The following CNTRL variants were observed in gnomAD, a reference collection of about 807,000 sequenced individuals.
CNTRL encodes the protein 110 kDa centrosomal protein.
In CNTRL, 233 loss-of-function variants were observed where a neutral mutation model predicts 303.7. That is an observed-to-expected ratio of 0.77 (90% CI 0.69 to 0.86). The LOEUF is 0.86. Among genes scored for constraint, CNTRL ranks in the 40% least tolerant of loss-of-function variants. CNTRL has a pLI of 0.00. For synonymous variants in CNTRL, 900 were observed against 922.2 expected, an observed-to-expected ratio of 0.98 and a Z score of 0.44; for missense variants, 2,524 against 2,650.6, an observed-to-expected ratio of 0.95 and a Z score of 1.05.
chr9:121,104,055 A>G (rs1297564365), intron 7 of CNTRL, among the ~76,000 whole-genome samples: 3 of 152,216 alleles, frequency 2.0e-5, no homozygotes, highest in Admixed American at 6.5e-5. Context: ...AAATCATGCC[A>G]CTATAAAGAC....
At chr9:121,150,968 A>G (rs770350940) in intron 25 of CNTRL, among the ~76,000 whole-genome samples, 2 of 152,214 alleles carry the variant, frequency 1.3e-5, no homozygotes, top group Non-Finnish European at 2.9e-5. Context: ...TATATGTATA[A>G]TATGAGTGTA....
Position 121,150,400 on chromosome 9 carries a change from T to A in CNTRL, c.3880T>A (p.Tyr1294Asn). 6.2e-7 allele frequency: 1 copy of A among 1,614,158 alleles called. No homozygotes were observed. Among genetic ancestry groups the A allele is most frequent in the Non-Finnish European group, 8.5e-7 (1 of 1,180,028 alleles). The stretch of plus-strand genomic sequence containing the variant: ...ACCTCCTGCTGGGGCCCCCATGGTG[T>A]ATGGGCCTCCACCCCCCAACTTCTC... The part of the protein sequence containing the change: ...GPPPAGAPMV[Y>N]GPPPPNFSIP... Residue 1294 changes from tyrosine (Y) to asparagine (N), a missense_variant, in exon 25 of 44, where the codon TAT (tyrosine) becomes AAT (asparagine). By Grantham distance (143) the Tyr-to-Asn change is moderately radical (BLOSUM62 -2). Transcript: ENST00000373855.
rs979045287 is a variant in CNTRL at position 121,098,502 on chromosome 9, A to G, written c.738A>G (p.Ser246=). 1 of 1,613,886 alleles carries G rather than the reference A, an allele frequency of 6.2e-7. No individual in the cohort carries two copies. Among genetic ancestry groups the G allele is most frequent in the Non-Finnish European group, 8.5e-7 (1 of 1,179,850 alleles). Residue 246 remains serine, a synonymous_variant, in exon 7 of 44, where the codon TCA becomes TCG. Coordinates refer to ENST00000373855, the MANE Select transcript of CNTRL (RefSeq NM_007018.6). ...YLQFTIFHLR[S]LESLEGQPVT... ...AGTTTACCATTTTCCACCTCCGTTC[A>G]TTGGAAAGTTTGGAAGGTCAGCCAG...
At chr9:121,169,348 C>T (rs1405742473) in intron 38 of CNTRL, among the ~76,000 whole-genome samples, 3 of 152,182 alleles carry the variant, frequency 2.0e-5, no homozygotes, top group Admixed American at 6.5e-5. Flanking sequence ...TCACTGGTCT[C>T]AAAGACTTGA....
At chr9:121,099,602 A>G (rs2049047750) in intron 7 of CNTRL, among the ~76,000 whole-genome samples, 1 of 152,212 alleles carries the variant, frequency 6.6e-6, no homozygotes, top group African/African-American at 2.4e-5. Context: ...GGTAATAACA[A>G]ACTTCTCCGA....
At chr9:121,141,704 C>A in intron 18 of CNTRL, 116 bp downstream of exon 18, 1 of 1,013,926 alleles carries the variant, frequency 9.9e-7, no homozygotes, top group Non-Finnish European at 1.5e-6. Context: ...GTTATTTTCA[C>A]TTATAACAAG....
intron 3 of CNTRL, 98 bp from the exon 4 acceptor site, chr9:121,090,177 C>A (rs545629440): frequency 1.1e-5 from 11 of 1,027,886 alleles, no homozygotes; most frequent in Middle Eastern, 2.6e-4. Context: ...ATATTCATGG[C>A]TTAATTTTTG....
At position 121,157,664 on chromosome 9, in the gene CNTRL, G is replaced by A; in HGVS notation, c.4496+64G>A. On this transcript the variant is annotated intron_variant, in intron 28 of 43. Coordinates refer to ENST00000373855, the MANE Select transcript of CNTRL (RefSeq NM_007018.6). Reference sequence around the variant, plus strand: ...ATGAATGAAAAGTTTGCTTCTAAGGGGATAATAATTGGTTTATGATAAATA... The same window carrying A: ...ATGAATGAAAAGTTTGCTTCTAAGGAGATAATAATTGGTTTATGATAAATA... The A allele has an allele frequency of 2.5e-6, 4 of 1,604,802 alleles. No homozygotes were observed. The South Asian group carries it at 4.4e-5, about 18-fold the overall frequency.
chr9:121,102,043 C>G (rs2049200848), intron 7 of CNTRL, among the ~76,000 whole-genome samples: 1 of 152,214 alleles, frequency 6.6e-6, no homozygotes, highest in East Asian at 1.9e-4. Flanking sequence ...CACCCTAACT[C>G]ATTTTATGAG....
At position 121,173,499 on chromosome 9, in the gene CNTRL, T is replaced by C. The variant is rs748396208; in HGVS notation, c.6674T>C (p.Val2225Ala). ...PFEEKLNFSQ[V>A]HIMDEHWRGE... ...GAAGAAAAACTGAACTTTTCCCAAGTTCACATAATGGTAAGGGTTTATCCT... is the reference window on the plus strand; with the variant it reads ...GAAGAAAAACTGAACTTTTCCCAAGCTCACATAATGGTAAGGGTTTATCCT... The change falls in exon 41 of 44, where the codon GTT becomes GCT. Residue 2225 changes from valine (V) to alanine (A), a missense_variant. By Grantham distance (64) the Val-to-Ala change is moderately conservative. Transcript: ENST00000373855. 1 of 1,613,322 alleles carries C rather than the reference T, an allele frequency of 6.2e-7. No homozygotes were observed. The highest frequency in any genetic ancestry group is 1.1e-5 in the South Asian group (1 of 91,004).
In CNTRL at chr9:121,083,571, G is replaced by A. The variant is rs115212386; in HGVS notation, c.-32+3093G>A. Among the ~76,000 whole-genome samples the A allele has an allele frequency of 1.3e-3, 201 of 152,208 alleles. 2 individuals are homozygous for A. Among genetic ancestry groups the A allele is most frequent in the African/African-American group, 4.4e-3 (184 of 41,496 alleles). ...GTTATGTTCTGGAATACCTCTTGAA[G>A]GACCTACCTGCCTGAGTCTGTTTTA... On this transcript the variant is annotated intron_variant, in intron 2 of 43. Coordinates refer to ENST00000373855, the MANE Select transcript of CNTRL (RefSeq NM_007018.6).
intron 39 of CNTRL, chr9:121,171,193 TA>T: frequency 1.6e-6 from 1 of 632,512 alleles, no homozygotes; most frequent in Non-Finnish European, 2.9e-6. Context: ...GATAGTAGCT[TA>T]TTATCAAAGG....
At chr9:121,163,538 TCTC>T (rs2052952174) in intron 34 of CNTRL, among the ~76,000 whole-genome samples, 2 of 151,682 alleles carry the variant, frequency 1.3e-5, no homozygotes, top group Non-Finnish European at 2.9e-5. Context: ...ATTTAAAACA[TCTC>T]CTCAAAAGAC....
chr9:121,094,529 G>A (rs2048807911), intron 4 of CNTRL, among the ~76,000 whole-genome samples: 1 of 152,192 alleles, frequency 6.6e-6, no homozygotes, highest in Non-Finnish European at 1.5e-5. Context: ...ATGAGCTTTG[G>A]AGGGGACACT....
chr9:121,115,066 G>A, intron 10 of CNTRL, 25 bp from the exon 11 acceptor site: 1 of 1,398,584 alleles, frequency 7.2e-7, no homozygotes, highest in Non-Finnish European at 9.9e-7. Context: ...TTCATATTAT[G>A]TGAGCATGGT....
At position 121,162,281 on chromosome 9, in the gene CNTRL, A is replaced by G. The variant is rs936461610; in HGVS notation, c.5423+10A>G. 4 of 1,605,744 alleles carry G rather than the reference A, an allele frequency of 2.5e-6. No homozygotes were observed. The highest frequency in any genetic ancestry group is 3.4e-6 in the Non-Finnish European group (4 of 1,172,682). ...TGGCACAAACCAAAAGGTGAGAGCA[A>G]GAACAAATAAGCTTGCAGGATCACT... On this transcript the variant is annotated intron_variant, in intron 34 of 43. Transcript: ENST00000373855.
intron 7 of CNTRL, among the ~76,000 whole-genome samples, chr9:121,105,251 A>AT (rs1441483999): frequency 6.6e-5 from 10 of 152,210 alleles, no homozygotes; most frequent in Non-Finnish European, 2.9e-5. Context: ...TGTAGTTAAC[A>AT]TGCTGGATGT....
Position 121,107,976 on chromosome 9 carries a change from TAAACAC to T in CNTRL, c.987_992del (p.Asn329_Thr330del). ...AGCTGTGAGGAACTCAAGAGTGACT[TAAACAC>T]AAAAAATGAATTGGTAAGTTCATAT... On this transcript the variant is annotated inframe_deletion, in exon 8 of 44. Coordinates refer to ENST00000373855, the MANE Select transcript of CNTRL (RefSeq NM_007018.6). 2 of 1,577,550 alleles carry T rather than the reference TAAACAC, an allele frequency of 1.3e-6. No homozygotes were observed. The highest frequency in any genetic ancestry group is 1.7e-6 in the Non-Finnish European group (2 of 1,168,162).
At chr9:121,162,315 C>G (rs747165064) in intron 34 of CNTRL, 44 bp downstream of exon 34, 2 of 1,515,300 alleles carry the variant, frequency 1.3e-6, no homozygotes, top group Non-Finnish European at 1.8e-6. Context: ...CTTCTTCAGG[C>G]CAAAGCATTA....
Sources: gnomAD v4.1 joint callset for allele counts (sites outside exome capture counted in the v4.1 genomes callset) on GRCh38, gnomAD v4.1.1 for gene constraint, MANE v1.5 for transcripts, NCBI Gene and HGNC (gene_info 2026-07-23, HGNC 2026-07-21) for gene names.